Variants in ESR1 observed in about 807,000 individuals in gnomAD.
ESR1 encodes estrogen receptor 1, also known as estrogen receptor.
A neutral mutation model predicts 52.7 loss-of-function variants in ESR1; 12 were observed. The observed-to-expected ratio is 0.23, with a 90% CI of 0.15 to 0.37. The LOEUF (loss-of-function observed/expected upper bound fraction) is 0.37. Among genes scored for constraint, ESR1 ranks in the 10% least tolerant of loss-of-function variants. The pLI is 1.00. For missense variants in ESR1, 584 were observed against 779.7 expected, an observed-to-expected ratio of 0.75 and a Z score of 2.99; for synonymous variants, 305 against 316.8, an observed-to-expected ratio of 0.96 and a Z score of 0.39.
rs9340989 is a variant in ESR1 at position 152,021,064 on chromosome 6, A to G, written c.1235+9270A>G. On this transcript the variant is annotated intron_variant, in intron 5 of 7. Coordinates refer to ENST00000206249, the MANE Select transcript of ESR1 (RefSeq NM_000125.4). ...ACTGAGTGTCAACTTGATTGGATTGAAGGATACAAAGTATTAATCCTGGGT... is the reference window on the plus strand; with the variant it reads ...ACTGAGTGTCAACTTGATTGGATTGGAGGATACAAAGTATTAATCCTGGGT... 2.8e-3 allele frequency among the ~76,000 whole-genome samples: 419 copies of G among 152,240 alleles called. 4 individuals are homozygous for G. The highest frequency in any genetic ancestry group is 9.1e-3 in the African/African-American group (377 of 41,546).
chr6:151,746,884 C>T (rs949599518), intron 2 of ESR1, among the ~76,000 whole-genome samples: 1 of 152,206 alleles, frequency 6.6e-6, no homozygotes, highest in African/African-American at 2.4e-5. Flanking sequence ...CCAGATTTTT[C>T]ATCTGTAAAA....
chr6:151,893,201 T>A (rs1220810533), intron 3 of ESR1, among the ~76,000 whole-genome samples: 1 of 151,964 alleles, frequency 6.6e-6, no homozygotes, highest in Non-Finnish European at 1.5e-5. Context: ...AAAAAAAAAT[T>A]AGCCAGGCAT....
At chr6:151,716,245 C>T (rs1172100802) in intron 2 of ESR1, among the ~76,000 whole-genome samples, 2 of 152,144 alleles carry the variant, frequency 1.3e-5, no homozygotes, top group Non-Finnish European at 2.9e-5. Flanking sequence ...AGCCAGAGCT[C>T]TCCTGTATGA....
At chr6:152,019,925 G>T (rs535751037) in intron 5 of ESR1, among the ~76,000 whole-genome samples, 10 of 152,240 alleles carry the variant, frequency 6.6e-5, no homozygotes, top group South Asian at 4.1e-4. Context: ...TATCCATAGG[G>T]CGCTGTATGA....
exon 7 of ESR1, chr6:152,128,813 G>C (rs1188757701): frequency 6.6e-6 from 1 of 152,242 alleles, no homozygotes; most frequent in African/African-American, 2.4e-5. Context: ...AGCCTGGACT[G>C]TGGGTGAAGT....
chr6:151,791,338 G>C (rs945116623), intron 2 of ESR1, among the ~76,000 whole-genome samples: 1 of 152,124 alleles, frequency 6.6e-6, no homozygotes, highest in Non-Finnish European at 1.5e-5. Context: ...CACGAGATCT[G>C]ATGGTTTTAT....
chr6:151,846,945 G>A (rs1011497478), intron 2 of ESR1, among the ~76,000 whole-genome samples: 1 of 152,212 alleles, frequency 6.6e-6, no homozygotes, highest in Non-Finnish European at 1.5e-5. Context: ...GGACTCCACT[G>A]AGCTCACTGC....
At chr6:151,880,809 C>A (rs1233139730) in intron 3 of ESR1, 38 bp downstream of exon 3, 1 of 1,052,558 alleles carries the variant, frequency 9.5e-7, no homozygotes, top group East Asian at 2.4e-5. Flanking sequence ...GGGGATGGCC[C>A]TGGCCACCGC....
chr6:151,990,896 G>A, intron 4 of ESR1, among the ~76,000 whole-genome samples: 1 of 151,818 alleles, frequency 6.6e-6, no homozygotes, highest in East Asian at 1.9e-4. Flanking sequence ...TATATATATG[G>A]GAATAGATAA....
intron 2 of ESR1, among the ~76,000 whole-genome samples, chr6:151,863,896 A>G (rs549064116): frequency 2.0e-4 from 30 of 152,348 alleles, no homozygotes; most frequent in African/African-American, 7.2e-4. Flanking sequence ...CTTACACCTT[A>G]TACAAAAATT....
chr6:151,975,660 T>A (rs996081793), intron 4 of ESR1, among the ~76,000 whole-genome samples: 1 of 152,210 alleles, frequency 6.6e-6, no homozygotes, highest in South Asian at 2.1e-4. Flanking sequence ...GGATGAGGCC[T>A]ACACACATTA....
intron 4 of ESR1, among the ~76,000 whole-genome samples, chr6:151,990,286 A>G (rs1464064805): frequency 1.3e-5 from 2 of 152,008 alleles, no homozygotes; most frequent in Non-Finnish European, 2.9e-5. Flanking sequence ...GGAGAGAAAC[A>G]TATCTGCATG....
chr6:152,111,871 AAAAT>A (rs1288224689), intron 6 of ESR1, among the ~76,000 whole-genome samples: 1 of 152,236 alleles, frequency 6.6e-6, no homozygotes, highest in African/African-American at 2.4e-5. Context: ...TGATGGTGCC[AAAAT>A]TGGAGCTGCC....
At chr6:151,777,931 G>A (rs1435495394) in intron 2 of ESR1, among the ~76,000 whole-genome samples, 1 of 152,058 alleles carries the variant, frequency 6.6e-6, no homozygotes, top group African/African-American at 2.4e-5. Flanking sequence ...CTGCACTTCA[G>A]CCTGGGGAAC....
At chr6:151,869,953 T>C (rs922065198) in intron 2 of ESR1, among the ~76,000 whole-genome samples, 1 of 152,206 alleles carries the variant, frequency 6.6e-6, no homozygotes, top group African/African-American at 2.4e-5. Flanking sequence ...TGTGTACAGA[T>C]GTGGTTGTGA....
intron 3 of ESR1, among the ~76,000 whole-genome samples, chr6:151,921,178 T>C (rs2031587631): frequency 1.3e-5 from 2 of 152,126 alleles, no homozygotes; most frequent in African/African-American, 4.8e-5. Flanking sequence ...AGTGAGAACA[T>C]GTGGTGTTTG....
downstream of ESR1, among the ~76,000 whole-genome samples, chr6:152,103,956 T>TGGTTCGCTCATGGAGAG (rs2051029068): frequency 6.7e-6 from 1 of 149,420 alleles, no homozygotes; most frequent in African/African-American, 2.5e-5. Context: ...TGCAGCTAGA[T>TGGTTCGCTCATGGAGAG]TACTGTTTGA....
chr6:151,997,249 ATTAT>A (rs1053645396), intron 4 of ESR1, among the ~76,000 whole-genome samples: 31 of 152,096 alleles, frequency 2.0e-4, no homozygotes, highest in African/African-American at 6.5e-4. Context: ...TAAAAATATA[ATTAT>A]TTATTTTTAA....
chr6:151,781,581 C>T (rs1233493343), intron 2 of ESR1, among the ~76,000 whole-genome samples: 1 of 152,162 alleles, frequency 6.6e-6, no homozygotes, highest in African/African-American at 2.4e-5. Flanking sequence ...ACTCCCAATC[C>T]AGAATGTTTG....
Sources: gnomAD v4.1 joint callset for allele counts (sites outside exome capture counted in the v4.1 genomes callset) on GRCh38, gnomAD v4.1.1 for gene constraint, MANE v1.5 for transcripts, NCBI Gene and HGNC (gene_info 2026-07-23, HGNC 2026-07-21) for gene names.